Variants in CNKSR2 observed in about 807,000 individuals in gnomAD.
CNKSR2 encodes the protein connector enhancer of kinase suppressor of Ras 2.
CNKSR2 carries 14 observed loss-of-function variants against 84.4 expected under a neutral mutation model. The ratio of observed to expected loss-of-function variants is 0.17; its 90% CI spans 0.11 to 0.26. The LOEUF is 0.26. Among genes scored for constraint, CNKSR2 ranks in the 10% least tolerant of loss-of-function variants. The pLI is 1.00. For missense variants in CNKSR2, 485 were observed against 771.2 expected (o/e 0.63, Z 4.40); for synonymous variants, 275 against 277.9 (o/e 0.99, Z 0.10).
rs192181233 is a variant in CNKSR2, at chrX:21,435,927, A to G, written c.431+3113A>G. 9.9e-5 allele frequency among the ~76,000 whole-genome samples: 11 copies of G among 111,512 alleles called. No homozygotes were observed. The East Asian group carries it at 2.8e-3, about 28-fold the overall frequency. Reference sequence around the variant, plus strand: ...GGGATCAGTGAGATCTCTTGATATCATTGAAAACCTTTTACATATTTAAGG... The same window carrying G: ...GGGATCAGTGAGATCTCTTGATATCGTTGAAAACCTTTTACATATTTAAGG... On this transcript the variant is annotated intron_variant, in intron 3 of 21. Transcript: ENST00000379510.
chrX:21,641,467 T>C (rs1400642275), intron 20 of CNKSR2: 1 of 1,129,262 alleles, frequency 8.9e-7, no homozygotes, highest in Non-Finnish European at 1.2e-6. Flanking sequence ...CAAATACTAA[T>C]ATGCTTTGGA....
At chrX:21,554,194 G>C (rs1396761384) in intron 11 of CNKSR2, among the ~76,000 whole-genome samples, 1 of 111,958 alleles carries the variant, frequency 8.9e-6, no homozygotes, top group Admixed American at 9.5e-5. Context: ...TTAGGTGTTA[G>C]AAGTGCCGCA....
At chrX:21,437,281 A>G (rs1038020668) in intron 3 of CNKSR2, among the ~76,000 whole-genome samples, 1 of 111,241 alleles carries the variant, frequency 9.0e-6, no homozygotes, top group Non-Finnish European at 1.9e-5. Flanking sequence ...ATGAAATTTT[A>G]AGATTTTATA....
chrX:21,575,724 A>T (rs1029425933), intron 13 of CNKSR2, among the ~76,000 whole-genome samples: 1 of 111,551 alleles, frequency 9.0e-6, no homozygotes, highest in East Asian at 2.8e-4. Context: ...GAAAACATCA[A>T]TAGGCACCGA....
At chrX:21,577,471 A>G (rs1373857697) in intron 13 of CNKSR2, among the ~76,000 whole-genome samples, 1 of 111,672 alleles carries the variant, frequency 9.0e-6, no homozygotes, top group Non-Finnish European at 1.9e-5. Context: ...CTTGGTTGGT[A>G]AGTTCAGTAA....
At chrX:21,534,613 T>G (rs1254766509) in intron 11 of CNKSR2, among the ~76,000 whole-genome samples, 1 of 111,144 alleles carries the variant, frequency 9.0e-6, no homozygotes, top group Non-Finnish European at 1.9e-5. Context: ...TTTTTGTCTT[T>G]TTGTTAATAA....
intron 10 of CNKSR2, among the ~76,000 whole-genome samples, chrX:21,528,143 T>A (rs139522789): frequency 0.012 from 1,289 of 111,056 alleles, 13 homozygotes; most frequent in Non-Finnish European, 0.017. Flanking sequence ...AATATATAAT[T>A]TACAGTCTTG....
intron 4 of CNKSR2, among the ~76,000 whole-genome samples, chrX:21,469,894 A>G (rs985721702): frequency 3.6e-5 from 4 of 112,211 alleles, no homozygotes; most frequent in African/African-American, 1.3e-4. Context: ...CCTGGGCAAC[A>G]AGAGCAAAAC....
intron 1 of CNKSR2, among the ~76,000 whole-genome samples, chrX:21,419,549 G>C (rs1017118150): frequency 4.5e-5 from 5 of 111,274 alleles, no homozygotes; most frequent in African/African-American, 1.6e-4. Flanking sequence ...TTCTTGGGAA[G>C]GCATTCCAGA....
At chrX:21,510,229 A>G (rs187623353) in intron 8 of CNKSR2, among the ~76,000 whole-genome samples, 197 of 111,655 alleles carry the variant, frequency 1.8e-3, no homozygotes, top group Middle Eastern at 0.014. Context: ...GTAAATGTTG[A>G]TAATGAATCT....
At chrX:21,498,682 A>G (rs2091527614) in intron 7 of CNKSR2, among the ~76,000 whole-genome samples, 1 of 112,468 alleles carries the variant, frequency 8.9e-6, no homozygotes, top group Admixed American at 9.4e-5. Flanking sequence ...AAAAGCATGA[A>G]GTGATCATGC....
At position 21,591,021 on chromosome X, in the gene CNKSR2, G is replaced by T. The variant is rs745697972; in HGVS notation, c.1658-1G>T. 1 of 1,203,057 alleles carries T rather than the reference G, an allele frequency of 8.3e-7. No individual in the cohort carries two copies. Among genetic ancestry groups the T allele is most frequent in the South Asian group, 1.8e-5 (1 of 55,307 alleles). On this transcript the variant is annotated splice_acceptor_variant, in intron 14 of 21. Transcript: ENST00000379510. LOFTEE classifies it high-confidence loss of function. ...ATTGAAAGAGCATTTCCACCCTTTA[G>T]GTCCTATAGCAGGCAAGAGCAAAAG...
At chrX:21,403,951 A>C (rs2090227734) in intron 1 of CNKSR2, among the ~76,000 whole-genome samples, 1 of 112,285 alleles carries the variant, frequency 8.9e-6, no homozygotes, top group Non-Finnish European at 1.9e-5. Flanking sequence ...ACTTCCAAAA[A>C]ATAGCATTGT....
At chrX:21,428,267 T>TA (rs1048724045) in intron 2 of CNKSR2, 9 of 112,059 alleles carry the variant, frequency 8.0e-5, no homozygotes, top group Non-Finnish European at 1.7e-4. Flanking sequence ...ATTTTTCTCT[T>TA]ACCTGCATAG....
chrX:21,648,627 C>G (rs1312217958), intron 20 of CNKSR2, among the ~76,000 whole-genome samples: 1 of 110,073 alleles, frequency 9.1e-6, no homozygotes, highest in Non-Finnish European at 1.9e-5. Flanking sequence ...CCCAATATAA[C>G]TAGCAGCTGT....
At chrX:21,496,524 A>G (rs1319096742) in intron 6 of CNKSR2, among the ~76,000 whole-genome samples, 1 of 111,773 alleles carries the variant, frequency 8.9e-6, no homozygotes, top group Admixed American at 9.6e-5. Context: ...ATCCAGGCTC[A>G]GCCATTTTAG....
At chrX:21,638,329 C>A (rs1411821776) in intron 20 of CNKSR2, among the ~76,000 whole-genome samples, 1 of 111,582 alleles carries the variant, frequency 9.0e-6, no homozygotes, top group Non-Finnish European at 1.9e-5. Flanking sequence ...ATTTCTATTT[C>A]TTCTTATTAT....
chrX:21,426,730 TCTC>T lies in CNKSR2; in HGVS notation c.228+74_228+76del, dbSNP rs200214470. The T allele has an allele frequency of 5.2e-3, 5,542 of 1,074,317 alleles. 51 individuals carry two copies. The East Asian group carries it at 0.065, about 13-fold the overall frequency. 88.5% of individuals were successfully genotyped at this position (1,074,317 alleles called of 1,213,427 possible). A position where few individuals can be genotyped will look rare whatever the true frequency, so the allele number is the denominator to read the frequency against. On this transcript the variant is annotated intron_variant, in intron 2 of 21. Transcript: ENST00000379510. Reference sequence around the variant, plus strand: ...CTTTTGTTGCTTTTCCCTTTTTTCTTCTCCTCTTTTGATAATCGAAATGCAAAT... The same window carrying T: ...CTTTTGTTGCTTTTCCCTTTTTTCTTCTCTTTTGATAATCGAAATGCAAAT...
intron 11 of CNKSR2, among the ~76,000 whole-genome samples, chrX:21,543,938 C>T (rs767790619): frequency 9.0e-6 from 1 of 111,455 alleles, no homozygotes; most frequent in East Asian, 2.8e-4. Context: ...TTCTCTGCCT[C>T]AGCCTCCTGA....
Sources: gnomAD v4.1 joint callset for allele counts (sites outside exome capture counted in the v4.1 genomes callset) on GRCh38, gnomAD v4.1.1 for gene constraint, MANE v1.5 for transcripts, NCBI Gene and HGNC (gene_info 2026-07-23, HGNC 2026-07-21) for gene names.